The following NFATC2 variants were observed in gnomAD, a reference collection of about 807,000 sequenced individuals.
NFATC2 encodes the protein nuclear factor of activated T cells 2, also known as nuclear factor of activated T-cells, cytoplasmic 2.
NFATC2 carries 22 observed loss-of-function variants against 87.3 expected under a neutral mutation model. The observed-to-expected ratio is 0.25, with a 90% CI of 0.18 to 0.36. The LOEUF is 0.36. Ranked by LOEUF, NFATC2 falls within the 10% of genes least tolerant of loss-of-function variation. The pLI, the probability that NFATC2 is intolerant of heterozygous loss-of-function variation, is 1.00. For synonymous variants in NFATC2, 565 were observed against 542.2 expected (o/e 1.04, Z -0.58); for missense variants, 1,149 against 1,259.1 (o/e 0.91, Z 1.32).
intron 4 of NFATC2, 26 bp from the exon 5 acceptor site, chr20:51,474,178 G>A: frequency 6.2e-7 from 1 of 1,610,816 alleles, no homozygotes; most frequent in Non-Finnish European, 8.5e-7. Context: ...GAACCCCATT[G>A]TCACCAACTA....
chr20:51,472,276 C>T (rs1988281643), intron 5 of NFATC2, among the ~76,000 whole-genome samples: 1 of 151,990 alleles, frequency 6.6e-6, no homozygotes. Context: ...ATAAAATAAC[C>T]AAAATATTTG....
intron 3 of NFATC2, among the ~76,000 whole-genome samples, chr20:51,498,952 T>G (rs1370571286): frequency 6.6e-6 from 1 of 152,062 alleles, no homozygotes; most frequent in African/African-American, 2.4e-5. Flanking sequence ...GAAAGGCACG[T>G]GCAAAGGCCC....
At chr20:51,407,178 C>T (rs1023994697) in intron 9 of NFATC2, among the ~76,000 whole-genome samples, 1 of 152,188 alleles carries the variant, frequency 6.6e-6, no homozygotes, top group Non-Finnish European at 1.5e-5. Flanking sequence ...GTTTGGAGGG[C>T]TCTCTTGATA....
chr20:51,537,227 T>G (rs1600984418), intron 1 of NFATC2, among the ~76,000 whole-genome samples: 14 of 24,366 alleles, frequency 5.7e-4, no homozygotes, highest in East Asian at 1.2e-3. Context: ...TGAGAGGGAG[T>G]GGAGAGGGGA....
At chr20:51,541,237 A>G (rs2076811635) in intron 1 of NFATC2, among the ~76,000 whole-genome samples, 1 of 152,140 alleles carries the variant, frequency 6.6e-6, no homozygotes, top group Non-Finnish European at 1.5e-5. Context: ...CGAGCCAGTC[A>G]GCACAAGCCC....
chr20:51,435,842 TTA>T, intron 6 of NFATC2, 81 bp from the exon 7 acceptor site: 1 of 1,166,986 alleles, frequency 8.6e-7, no homozygotes, highest in Non-Finnish European at 1.3e-6. Flanking sequence ...CAACTTCTGT[TTA>T]TCTTAGCTTG....
chr20:51,468,768 G>T (rs228851), intron 5 of NFATC2, among the ~76,000 whole-genome samples: 58,056 of 152,176 alleles, frequency 0.38, 13,672 homozygotes, highest in South Asian at 0.5. Context: ...AAATTGGGCT[G>T]TCAGAGCACA....
chr20:51,461,331 G>T (rs1987124110), intron 5 of NFATC2, among the ~76,000 whole-genome samples: 1 of 152,180 alleles, frequency 6.6e-6, no homozygotes, highest in Admixed American at 6.5e-5. Flanking sequence ...CGCACAGCCT[G>T]CAGTTTTCCA....
At position 51,480,288 on chromosome 20, in the gene NFATC2, A is replaced by AT. The variant is rs1312917319; in HGVS notation, c.1333-4629_1333-4628insA. ...GGGTCACAAAGCAAGACTCTGTCTCAAAAAAAATAGAATGTGCTTCCTGCC... is the reference window on the plus strand; with the variant it reads ...GGGTCACAAAGCAAGACTCTGTCTCATAAAAAAATAGAATGTGCTTCCTGCC... On this transcript the variant is annotated intron_variant, in intron 3 of 10. Coordinates refer to ENST00000371564, the MANE Select transcript of NFATC2 (RefSeq NM_012340.5). The surrounding 1 kb of genome is among the most constrained non-coding windows in gnomAD (Gnocchi z 4.2). 6.9e-6 allele frequency among the ~76,000 whole-genome samples: 1 copy of AT among 145,100 alleles called. No homozygotes were observed.
intron 9 of NFATC2, among the ~76,000 whole-genome samples, chr20:51,402,945 G>C (rs1401284163): frequency 6.6e-6 from 1 of 152,148 alleles, no homozygotes. Context: ...TTCCAGTCCA[G>C]TCTCCATCTC....
At chr20:51,540,305 G>A (rs547567208) in intron 1 of NFATC2, among the ~76,000 whole-genome samples, 41 of 152,310 alleles carry the variant, frequency 2.7e-4, no homozygotes, top group African/African-American at 9.9e-4. Flanking sequence ...GAGCCACCAC[G>A]CCTGGCTGGA....
chr20:51,501,219 C>G (rs2076085016), intron 3 of NFATC2, among the ~76,000 whole-genome samples: 1 of 152,134 alleles, frequency 6.6e-6, no homozygotes, highest in Non-Finnish European at 1.5e-5. Flanking sequence ...CTTAATAAAC[C>G]TGCAAATGTG....
chr20:51,443,129 ACC>A (rs1984590711), intron 6 of NFATC2, among the ~76,000 whole-genome samples: 6 of 151,692 alleles, frequency 4.0e-5, no homozygotes, highest in African/African-American at 1.2e-4. Flanking sequence ...CTCTTCTGTG[ACC>A]ATCCCCTTCC....
intron 1 of NFATC2, among the ~76,000 whole-genome samples, chr20:51,528,581 A>G (rs1223002865): frequency 6.6e-6 from 1 of 152,234 alleles, no homozygotes; most frequent in Non-Finnish European, 1.5e-5. Context: ...AGTCACAAGT[A>G]ATAGTGACAT....
At chr20:51,510,752 G>A (rs1001635278) in intron 3 of NFATC2, among the ~76,000 whole-genome samples, 2 of 152,172 alleles carry the variant, frequency 1.3e-5, no homozygotes, top group Admixed American at 6.5e-5. Context: ...CTCCCAAGTA[G>A]CTGGGATTAC....
At chr20:51,435,103 C>T (rs947252664) in intron 8 of NFATC2, 85 bp downstream of exon 8, 15 of 1,535,814 alleles carry the variant, frequency 9.8e-6, no homozygotes, top group East Asian at 6.8e-5. Context: ...CAAAGTTACC[C>T]GGCTAGGAGC....
intron 5 of NFATC2, among the ~76,000 whole-genome samples, chr20:51,470,552 C>T (rs1802653173): frequency 6.6e-6 from 1 of 152,214 alleles, no homozygotes; most frequent in Non-Finnish European, 1.5e-5. Context: ...ACATAAAAGG[C>T]ATCTCCAAAG....
Position 51,435,284 on chromosome 20 carries a change from G to A in NFATC2, c.1936C>T (p.Arg646Trp), listed in dbSNP as rs773542213. 165 of 1,614,010 alleles carry A rather than the reference G, an allele frequency of 1.0e-4. 1 individual carries two copies. In the South Asian group the frequency reaches 1.7e-3, roughly 17 times the overall value. ...ACAGGTGTGCGGATATGCTTGTTCCGATATTCAGGGATCTCAACAAAAAGC... is the reference window on the plus strand; with the variant it reads ...ACAGGTGTGCGGATATGCTTGTTCCAATATTCAGGGATCTCAACAAAAAGC... Reference protein sequence around the residue: ...NMLFVEIPEYRNKHIRTPVKV... With the variant: ...NMLFVEIPEYWNKHIRTPVKV... Residue 646 changes from arginine (R) to tryptophan (W), a missense_variant, in exon 8 of 11, where the codon CGG (arginine) becomes TGG (tryptophan). Physicochemically the swap from Arg to Trp is moderately radical, Grantham distance 101. Around this residue, in one of 3 missense-constraint regions of NFATC2, gnomAD observed 581 missense variants for 649.7 expected, o/e 0.89. Transcript: ENST00000371564.
chr20:51,431,771 A>T (rs564216746), intron 9 of NFATC2, among the ~76,000 whole-genome samples: 99 of 151,768 alleles, frequency 6.5e-4, no homozygotes, highest in African/African-American at 2.3e-3. Context: ...AAATGGACCC[A>T]GTTCATGACC....
Sources: gnomAD v4.1 joint callset for allele counts (sites outside exome capture counted in the v4.1 genomes callset) on GRCh38, gnomAD v4.1.1 for gene constraint, gnomAD v4.1.1 regional missense constraint, Gnocchi (gnomAD v3.1) non-coding constraint, MANE v1.5 for transcripts, NCBI Gene and HGNC (gene_info 2026-07-23, HGNC 2026-07-21) for gene names.